SHISA9: variants seen among roughly 807,000 people sequenced by gnomAD.
SHISA9 encodes the protein protein shisa-9.
SHISA9 carries 13 observed loss-of-function variants against 38.0 expected under a neutral mutation model. That is an observed-to-expected ratio of 0.34 (90% CI 0.22 to 0.54). The LOEUF (loss-of-function observed/expected upper bound fraction) is 0.54. Ranked by LOEUF, SHISA9 falls within the 20% of genes least tolerant of loss-of-function variation. The pLI is 0.91. For missense variants in SHISA9, 538 were observed against 575.8 expected (o/e 0.93, Z 0.67); for synonymous variants, 275 against 242.0 (o/e 1.14, Z -1.27).
chr16:13,405,642 A>G, the SHISA9 span, among the ~76,000 whole-genome samples: 1 of 152,276 alleles, frequency 6.6e-6, no homozygotes, highest in African/African-American at 2.4e-5. Context: ...TCACTGTAGT[A>G]GTCCCTAGTG....
At chr16:13,309,215 G>A in the SHISA9 span, among the ~76,000 whole-genome samples, 4 of 152,078 alleles carry the variant, frequency 2.6e-5, no homozygotes, top group Admixed American at 2.6e-4. Flanking sequence ...GCTAGGGAGG[G>A]CATCAGGAAG....
At chr16:13,050,656 A>C (rs1282925673) in intron 2 of SHISA9, among the ~76,000 whole-genome samples, 1 of 152,182 alleles carries the variant, frequency 6.6e-6, no homozygotes, top group South Asian at 2.1e-4. Flanking sequence ...TATAGTACAC[A>C]TATATTACAA....
the SHISA9 span, among the ~76,000 whole-genome samples, chr16:13,349,578 C>G: frequency 2.6e-4 from 39 of 152,278 alleles, 1 homozygote; most frequent in South Asian, 7.5e-3. Context: ...GCAACAAGTG[C>G]CCTTTGAGTT....
At chr16:13,469,347 AAAG>A in the SHISA9 span, among the ~76,000 whole-genome samples, 2,882 of 126,628 alleles carry the variant, frequency 0.023, 41 homozygotes, top group East Asian at 0.083. Context: ...AGAAAGAAAG[AAAG>A]AAAGAAAGAA....
the SHISA9 span, among the ~76,000 whole-genome samples, chr16:13,495,206 C>T: frequency 1.6e-4 from 24 of 152,258 alleles, no homozygotes; most frequent in African/African-American, 5.8e-4. Context: ...CATATGCACA[C>T]ATGTGGTAAT....
the SHISA9 span, among the ~76,000 whole-genome samples, chr16:13,335,890 A>T: frequency 4.6e-5 from 7 of 152,200 alleles, no homozygotes; most frequent in Non-Finnish European, 1.5e-5. Context: ...ACATATTATC[A>T]ACCAAAGAAT....
chr16:13,416,739 A>G, the SHISA9 span, among the ~76,000 whole-genome samples: 1 of 99,016 alleles, frequency 1.0e-5, no homozygotes, highest in African/African-American at 4.2e-5. Context: ...AGAAAGAAAG[A>G]AAGAAAGGAA....
intron 3 of SHISA9, among the ~76,000 whole-genome samples, chr16:13,211,696 C>A (rs1196710628): frequency 1.3e-5 from 2 of 152,192 alleles, no homozygotes; most frequent in Non-Finnish European, 2.9e-5. Flanking sequence ...TGTCAATGAA[C>A]TTATAAATGA....
chr16:13,217,396 T>A (rs2051180634), intron 4 of SHISA9, among the ~76,000 whole-genome samples: 1 of 152,206 alleles, frequency 6.6e-6, no homozygotes. Flanking sequence ...ATCTGTTTAT[T>A]TTGCAAACAG....
chr16:13,407,499 C>T, the SHISA9 span, among the ~76,000 whole-genome samples: 1 of 152,146 alleles, frequency 6.6e-6, no homozygotes, highest in Admixed American at 6.5e-5. Flanking sequence ...TAGGATTTAA[C>T]ATATCTATTT....
chr16:13,284,958 C>T, the SHISA9 span, among the ~76,000 whole-genome samples: 1 of 152,096 alleles, frequency 6.6e-6, no homozygotes, highest in Non-Finnish European at 1.5e-5. Context: ...ATGTATGTTA[C>T]CTGTCTTAAC....
At chr16:13,435,730 TTGATTCACAAGGCTG>T in the SHISA9 span, among the ~76,000 whole-genome samples, 3 of 152,198 alleles carry the variant, frequency 2.0e-5, no homozygotes, top group African/African-American at 7.2e-5. Context: ...GAGTGAAGAT[TTGATTCACAAGGCTG>T]CTGTGCTGGG....
the SHISA9 span, among the ~76,000 whole-genome samples, chr16:13,454,445 T>C: frequency 6.6e-6 from 1 of 152,208 alleles, no homozygotes; most frequent in Non-Finnish European, 1.5e-5. Context: ...AATATCGTAA[T>C]AGAAAGTGCT....
At chr16:13,084,371 C>G (rs1358851831) in intron 2 of SHISA9, among the ~76,000 whole-genome samples, 1 of 152,194 alleles carries the variant, frequency 6.6e-6, no homozygotes, top group African/African-American at 2.4e-5. Context: ...CTGCTTAGAA[C>G]AAATCTTGAT....
At chr16:13,145,899 T>C (rs370652432) in intron 2 of SHISA9, among the ~76,000 whole-genome samples, 1 of 152,158 alleles carries the variant, frequency 6.6e-6, no homozygotes, top group Admixed American at 6.6e-5. Context: ...TTAAAATTCA[T>C]AGTGAGGGCT....
chr16:13,222,593 G>T (rs1484547298), intron 4 of SHISA9, among the ~76,000 whole-genome samples: 1 of 152,120 alleles, frequency 6.6e-6, no homozygotes, highest in East Asian at 1.9e-4. Context: ...ATCTAGTTCT[G>T]AGTTGAGTGA....
At chr16:13,484,970 C>T in the SHISA9 span, among the ~76,000 whole-genome samples, 1 of 152,054 alleles carries the variant, frequency 6.6e-6, no homozygotes, top group South Asian at 2.1e-4. Flanking sequence ...TCAGTAAGCT[C>T]CTGCATGGTA....
chr16:13,419,909 T>A, the SHISA9 span, among the ~76,000 whole-genome samples: 1 of 152,144 alleles, frequency 6.6e-6, no homozygotes, highest in Non-Finnish European at 1.5e-5. Flanking sequence ...TTTAGTGAAA[T>A]CTACACTGCG....
At chr16:13,462,732 C>CT in the SHISA9 span, among the ~76,000 whole-genome samples, 78 of 151,938 alleles carry the variant, frequency 5.1e-4, 1 homozygote, top group African/African-American at 1.6e-3. Flanking sequence ...GAGGCCGAGG[C>CT]GGGGGGATCA....
Sources: gnomAD v4.1 joint callset for allele counts (sites outside exome capture counted in the v4.1 genomes callset) on GRCh38, gnomAD v4.1.1 for gene constraint, MANE v1.5 for transcripts, NCBI Gene and HGNC (gene_info 2026-07-23, HGNC 2026-07-21) for gene names.